The following DTNA variants were observed in gnomAD, a reference collection of about 807,000 sequenced individuals.
DTNA encodes the protein dystrobrevin alpha.
In DTNA, 43 loss-of-function variants were observed where a neutral mutation model predicts 100.7. The ratio of observed to expected loss-of-function variants is 0.43; its 90% CI spans 0.33 to 0.55. DTNA has a LOEUF of 0.55. DTNA is among the 20% of genes least tolerant of loss of function. The pLI is 0.04. For missense variants in DTNA, 798 were observed against 953.9 expected, an observed-to-expected ratio of 0.84 and a Z score of 2.15; for synonymous variants, 349 against 347.9, an observed-to-expected ratio of 1.00 and a Z score of -0.04.
chr18:34,586,692 A>G (rs769538923), intron 1 of DTNA, among the ~76,000 whole-genome samples: 7 of 152,194 alleles, frequency 4.6e-5, no homozygotes, highest in East Asian at 1.9e-4. Context: ...TATGGATTAG[A>G]TATTTGATTA....
At chr18:34,505,454 A>G (rs992846539) in intron 1 of DTNA, among the ~76,000 whole-genome samples, 1 of 152,152 alleles carries the variant, frequency 6.6e-6, no homozygotes, top group African/African-American at 2.4e-5. Flanking sequence ...ATTCTGCTGA[A>G]TATCTTTGGG....
intron 1 of DTNA, among the ~76,000 whole-genome samples, chr18:34,648,289 G>A (rs903756881): frequency 6.6e-6 from 1 of 152,148 alleles, no homozygotes; most frequent in Admixed American, 6.6e-5. Context: ...ACGATGAAAA[G>A]TATAAGGAAG....
chr18:34,765,434 C>A (rs1307819261), intron 2 of DTNA, among the ~76,000 whole-genome samples: 1 of 152,152 alleles, frequency 6.6e-6, no homozygotes, highest in Non-Finnish European at 1.5e-5. Context: ...TTTATCCTTA[C>A]AACAGTCCTG....
intron 1 of DTNA, among the ~76,000 whole-genome samples, chr18:34,578,435 T>TACTCTGCTG (rs202028808): frequency 0.1 from 15,532 of 151,826 alleles, 1,141 homozygotes; most frequent in African/African-American, 0.2. Flanking sequence ...GCTGCCTGCT[T>TACTCTGCTG]ACTGTTCCTT....
intron 1 of DTNA, among the ~76,000 whole-genome samples, chr18:34,616,299 C>T (rs139481357): frequency 1.4e-3 from 213 of 152,130 alleles, no homozygotes; most frequent in Non-Finnish European, 2.2e-3. Context: ...AGGTAGGCCC[C>T]GGCAAATATT....
intron 1 of DTNA, among the ~76,000 whole-genome samples, chr18:34,502,848 T>C (rs560421949): frequency 3.5e-4 from 53 of 152,242 alleles, no homozygotes; most frequent in African/African-American, 1.3e-3. Flanking sequence ...CGGGGTAGAG[T>C]GTTCTATAAA....
At position 34,888,132 on chromosome 18, in the gene DTNA, C is replaced by T. The variant is rs541626830; in HGVS notation, c.*398C>T. On this transcript the variant is annotated 3_prime_UTR_variant, in exon 23 of 23. Coordinates refer to ENST00000444659, the MANE Select transcript of DTNA (RefSeq NM_001386795.1). ...CTGTTATACACAATGGCAGTATTAACAAGCATTTTAAACCTTTGCACATGA... is the reference window on the plus strand; with the variant it reads ...CTGTTATACACAATGGCAGTATTAATAAGCATTTTAAACCTTTGCACATGA... The T allele has an allele frequency of 1.6e-5, 16 of 985,852 alleles. No homozygotes were observed. The African/African-American group carries it at 2.3e-4, about 14-fold the overall frequency. The allele number at this position is 985,852 out of a possible 1,614,324, so 61.1% of individuals were successfully genotyped here.
intron 1 of DTNA, among the ~76,000 whole-genome samples, chr18:34,496,315 A>C (rs745613298): frequency 6.6e-6 from 1 of 151,796 alleles, no homozygotes; most frequent in African/African-American, 2.4e-5. Flanking sequence ...GTTGTATGCT[A>C]TCAGTCACAA....
chr18:34,639,983 C>T (rs753827810), intron 1 of DTNA, among the ~76,000 whole-genome samples: 10 of 152,266 alleles, frequency 6.6e-5, no homozygotes, highest in Non-Finnish European at 1.0e-4. Context: ...AGATTATTTT[C>T]GCCTAGCCCA....
intron 1 of DTNA, among the ~76,000 whole-genome samples, chr18:34,551,346 C>G (rs561416261): frequency 6.6e-6 from 1 of 152,300 alleles, no homozygotes; most frequent in Non-Finnish European, 1.5e-5. Context: ...CGCCTCACCA[C>G]AGCCATCACT....
intron 3 of DTNA, among the ~76,000 whole-genome samples, chr18:34,792,511 C>G (rs1257213302): frequency 6.6e-6 from 1 of 151,902 alleles, no homozygotes; most frequent in Admixed American, 6.6e-5. Context: ...CAGGAGAGAG[C>G]AATGAGGTAG....
intron 1 of DTNA, among the ~76,000 whole-genome samples, chr18:34,517,151 T>C (rs1280838117): frequency 6.6e-6 from 1 of 152,128 alleles, no homozygotes; most frequent in Non-Finnish European, 1.5e-5. Context: ...CACTCAGCCA[T>C]CCACATAACT....
rs769396654 is a variant in DTNA, at chr18:34,829,056, T to C, written c.1086-344T>C. Reference sequence around the variant, plus strand: ...ATCATTTCAGCTCGGACGGTGCTTTTGGTGGATGCGTCTAGATGGATAACA... The same window carrying C: ...ATCATTTCAGCTCGGACGGTGCTTTCGGTGGATGCGTCTAGATGGATAACA... On this transcript the variant is annotated intron_variant, in intron 10 of 22. Transcript: ENST00000444659. 3 of 1,614,174 alleles carry C rather than the reference T, an allele frequency of 1.9e-6. No individual in the cohort carries two copies. In the South Asian group the frequency reaches 3.3e-5, roughly 18 times the overall value.
At chr18:34,818,604 A>C (rs1306959444) in intron 8 of DTNA, 3 of 1,276,522 alleles carry the variant, frequency 2.4e-6, no homozygotes, top group Non-Finnish European at 3.0e-6. Flanking sequence ...TTTAAATAAC[A>C]ACTGAATAGC....
At chr18:34,510,096 T>TGTGGC (rs2040896127) in intron 1 of DTNA, among the ~76,000 whole-genome samples, 1 of 149,900 alleles carries the variant, frequency 6.7e-6, no homozygotes, top group South Asian at 2.1e-4. Context: ...TGTGTGTGGT[T>TGTGGC]TTTTTGGTTG....
Position 34,681,725 on chromosome 18 carries a change from CACACA to C in DTNA, c.-1-74250_-1-74246del, listed in dbSNP as rs1568206026. Among the ~76,000 whole-genome samples the C allele has an allele frequency of 1.3e-3, 189 of 150,762 alleles. 1 individual carries two copies. The highest frequency in any genetic ancestry group is 4.3e-3 in the African/African-American group (174 of 40,442). ...ACACACACACACACACACACACACA[CACACA>C]CCCCACACACACACACCCTATGGAC... On this transcript the variant is annotated intron_variant, in intron 1 of 19. Coordinates refer to the DTNA transcript ENST00000283365.
chr18:34,661,177 G>A (rs2075130627), intron 1 of DTNA, among the ~76,000 whole-genome samples: 1 of 152,080 alleles, frequency 6.6e-6, no homozygotes, highest in Non-Finnish European at 1.5e-5. Context: ...TCCCCAAGTG[G>A]AGCTTCTAAA....
chr18:34,603,389 T>C (rs545225714), intron 1 of DTNA, among the ~76,000 whole-genome samples: 1 of 152,008 alleles, frequency 6.6e-6, no homozygotes, highest in South Asian at 2.1e-4. Context: ...TATTTGGCAC[T>C]TTATTTTCAT....
At chr18:34,796,379 T>C (rs1371370398) in intron 4 of DTNA, among the ~76,000 whole-genome samples, 1 of 152,238 alleles carries the variant, frequency 6.6e-6, no homozygotes. Context: ...CTATTTCTTA[T>C]AATAGTAAAC....
Sources: gnomAD v4.1 joint callset for allele counts (sites outside exome capture counted in the v4.1 genomes callset) on GRCh38, gnomAD v4.1.1 for gene constraint, MANE v1.5 for transcripts, NCBI Gene and HGNC (gene_info 2026-07-23, HGNC 2026-07-21) for gene names.